The following KLHL15 variants were observed in gnomAD, a reference collection of about 807,000 sequenced individuals.
KLHL15 encodes kelch-like protein 15.
Under a neutral mutation model 29.3 loss-of-function variants are expected in KLHL15, and 1 was observed. That is an observed-to-expected ratio of 0.03 (90% confidence interval 0.01 to 0.16). The LOEUF is 0.16. KLHL15 is among the 10% of genes least tolerant of loss of function. The pLI, the probability that KLHL15 is intolerant of heterozygous loss-of-function variation, is 1.00. For synonymous variants in KLHL15, 212 were observed against 184.5 expected, an observed-to-expected ratio of 1.15 and a Z score of -1.21; for missense variants, 215 against 478.5, an observed-to-expected ratio of 0.45 and a Z score of 5.14.
chrX:23,991,867 A>G (rs1929095592), intron 3 of KLHL15, among the ~76,000 whole-genome samples: 1 of 112,170 alleles, frequency 8.9e-6, no homozygotes, highest in African/African-American at 3.2e-5. Flanking sequence ...ACCTGAAAAA[A>G]ACAAACAAAA....
chrX:24,016,171 AC>A (rs1411412789), intron 2 of KLHL15, among the ~76,000 whole-genome samples: 4 of 102,484 alleles, frequency 3.9e-5, no homozygotes, highest in African/African-American at 1.4e-4. Context: ...ACATGGTGAA[AC>A]CCCGTCTCTA....
chrX:24,020,551 G>T (rs983608608), intron 2 of KLHL15, among the ~76,000 whole-genome samples: 13 of 111,148 alleles, frequency 1.2e-4, no homozygotes, highest in Non-Finnish European at 1.9e-4. Flanking sequence ...CACTTTTCAG[G>T]TATGTTTAGC....
chrX:24,006,901 A>T (rs945980227), intron 2 of KLHL15, among the ~76,000 whole-genome samples: 2 of 112,035 alleles, frequency 1.8e-5, no homozygotes, highest in African/African-American at 6.5e-5. Flanking sequence ...GAATCTATTA[A>T]AGATACATCA....
At chrX:24,010,244 T>C (rs1929548155) in intron 2 of KLHL15, among the ~76,000 whole-genome samples, 1 of 111,412 alleles carries the variant, frequency 9.0e-6, no homozygotes, top group South Asian at 3.7e-4. Context: ...TCTTTTCACT[T>C]GGTCTATCAT....
At position 23,988,787 on chromosome X, in the gene KLHL15, G is replaced by A. The variant is rs1402019970; in HGVS notation, c.949C>T (p.Leu317=). The part of the protein sequence containing the change: ...WWELEGPQVP[L]RPDCLAIVNN... Reference sequence around the variant, plus strand: ...ACGATAGCAAGGCAGTCAGGTCGCAGAGGTACTTGTGGGCCTTCTAGCTCC... The same window carrying A: ...ACGATAGCAAGGCAGTCAGGTCGCAAAGGTACTTGTGGGCCTTCTAGCTCC... The change falls in exon 4 of 4, where the codon CTG becomes TTG. Residue 317 remains leucine (L), a synonymous_variant. Transcript: ENST00000328046. 8.3e-7 allele frequency: 1 copy of A among 1,212,080 alleles called. No individual in the cohort carries two copies. Among genetic ancestry groups the A allele is most frequent in the South Asian group, 1.8e-5 (1 of 56,999 alleles).
chrX:24,001,348 G>A (rs762925634), intron 3 of KLHL15, among the ~76,000 whole-genome samples: 1 of 111,405 alleles, frequency 9.0e-6, no homozygotes, highest in Admixed American at 9.6e-5. Flanking sequence ...CAATTTCTAA[G>A]GGGATCATTG....
intron 2 of KLHL15, among the ~76,000 whole-genome samples, chrX:24,007,424 C>T (rs1452766947): frequency 1.0e-5 from 1 of 98,348 alleles, no homozygotes; most frequent in Admixed American, 1.2e-4. Flanking sequence ...ACTCGGGAGA[C>T]GGAGGTTGCA....
intron 2 of KLHL15, among the ~76,000 whole-genome samples, chrX:24,017,807 T>C (rs1254717015): frequency 1.1e-5 from 1 of 90,431 alleles, no homozygotes; most frequent in Non-Finnish European, 2.2e-5. Context: ...AAAAAAAAAA[T>C]TGTGTACATA....
In KLHL15 at chrX:23,986,646, G is replaced by A. The variant is rs1928990868; in HGVS notation, c.*1275C>T. On this transcript the variant is annotated 3_prime_UTR_variant, in exon 4 of 4. Coordinates refer to ENST00000328046, the MANE Select transcript of KLHL15 (RefSeq NM_030624.3). ...CTATCCTTCATGCTAATAGCTTTCA[G>A]TAAATAAAACAAAAACTGAGGGCTT... 8.9e-6 allele frequency: 1 copy of A among 112,241 alleles called. No homozygotes were observed. The highest frequency in any genetic ancestry group is 9.5e-5 in the Admixed American group (1 of 10,522). 9.2% of individuals were successfully genotyped at this position (112,241 alleles called of 1,213,427 possible).
At chrX:24,019,672 C>T (rs759811801) in intron 2 of KLHL15, among the ~76,000 whole-genome samples, 34 of 111,383 alleles carry the variant, frequency 3.1e-4, no homozygotes, top group African/African-American at 7.8e-4. Context: ...CACACGTGCA[C>T]GCACAAACCT....
chrX:24,021,176 T>C (rs999080535), intron 2 of KLHL15, among the ~76,000 whole-genome samples: 1 of 111,841 alleles, frequency 8.9e-6, no homozygotes, highest in Non-Finnish European at 1.9e-5. Flanking sequence ...AGATGAACTA[T>C]GAGAGCCTTT....
In KLHL15 at chrX:23,984,794, T is replaced by TA. The variant is rs1362274143; in HGVS notation, c.*3126dup. The TA allele has an allele frequency of 2.7e-5, 3 of 112,023 alleles. No homozygotes were observed. The highest frequency in any genetic ancestry group is 9.7e-5 in the African/African-American group (3 of 30,925). 9.2% of individuals were successfully genotyped at this position (112,023 alleles called of 1,213,427 possible). A position where few individuals can be genotyped will look rare whatever the true frequency, so the allele number is the denominator to read the frequency against. ...TCCATTTTTACCACTTCTCCCCACA[T>TA]AAAGCGTGTGTCCTTTACTATGACT... On this transcript the variant is annotated 3_prime_UTR_variant, in exon 4 of 4. Coordinates refer to ENST00000328046, the MANE Select transcript of KLHL15 (RefSeq NM_030624.3).
At chrX:24,001,826 AAG>A (rs1929326371) in intron 3 of KLHL15, among the ~76,000 whole-genome samples, 1 of 98,091 alleles carries the variant, frequency 1.0e-5, no homozygotes, top group African/African-American at 3.8e-5. Flanking sequence ...AAAAAAAAAA[AAG>A]AAGAAGAAAA....
At chrX:24,023,517 C>T (rs1394151256) in intron 2 of KLHL15, among the ~76,000 whole-genome samples, 2 of 112,080 alleles carry the variant, frequency 1.8e-5, no homozygotes, top group Non-Finnish European at 3.8e-5. Flanking sequence ...TAACAATATA[C>T]CCAAAAATGC....
rs1928985436 is a variant in KLHL15 at position 23,986,319 on chromosome X, A to G, written c.*1602T>C. ...AACAAACAAAAAAACAAAAAACACC[A>G]AACAAAGTGAAACTAGAAAATTTAT... On this transcript the variant is annotated 3_prime_UTR_variant, in exon 4 of 4. Transcript: ENST00000328046. The G allele has an allele frequency of 9.0e-6, 1 of 111,625 alleles. No homozygotes were observed. Among genetic ancestry groups the G allele is most frequent in the East Asian group, 2.8e-4 (1 of 3,606 alleles). 9.2% of individuals were successfully genotyped at this position (111,625 alleles called of 1,213,427 possible).
At chrX:24,024,182 G>A (rs1480096002) in intron 2 of KLHL15, among the ~76,000 whole-genome samples, 2 of 111,911 alleles carry the variant, frequency 1.8e-5, no homozygotes, top group African/African-American at 3.3e-5. Flanking sequence ...GCACTTCGTA[G>A]GAGGAAGGCC....
chrX:24,019,049 C>T (rs1307998069), intron 2 of KLHL15, among the ~76,000 whole-genome samples: 1 of 111,633 alleles, frequency 9.0e-6, no homozygotes, highest in Non-Finnish European at 1.9e-5. Flanking sequence ...CACTTTCATT[C>T]TGTTTTCTAG....
At chrX:23,991,056 G>A in intron 3 of KLHL15, among the ~76,000 whole-genome samples, 1 of 110,081 alleles carries the variant, frequency 9.1e-6, no homozygotes, top group Non-Finnish European at 1.9e-5. Context: ...CTACATAAGA[G>A]AGAAAACTAA....
At position 24,020,200 on chromosome X, in the gene KLHL15, T is replaced by C. The variant is rs941036322; in HGVS notation, c.-8+4657A>G. 2.7e-5 allele frequency among the ~76,000 whole-genome samples: 3 copies of C among 112,556 alleles called. No homozygotes were observed. The East Asian group carries it at 8.3e-4, about 31-fold the overall frequency. Reference sequence around the variant, plus strand: ...CAGAATTAATTTCTGAGTCATAACATTTCTCACTTCTGTAACCCATAAAGT... The same window carrying C: ...CAGAATTAATTTCTGAGTCATAACACTTCTCACTTCTGTAACCCATAAAGT... On this transcript the variant is annotated intron_variant, in intron 2 of 3. Transcript: ENST00000328046.
Sources: allele counts gnomAD v4.1 joint callset (sites outside exome capture counted in the v4.1 genomes callset), GRCh38; gene constraint gnomAD v4.1.1; transcripts MANE v1.5; gene names NCBI Gene and HGNC (gene_info 2026-07-23, HGNC 2026-07-21).